Variants in SP100 observed in about 807,000 individuals in gnomAD.
The protein encoded by SP100 is nuclear autoantigen Sp-100.
Under a neutral mutation model 130.0 loss-of-function variants are expected in SP100, and 84 were observed. That is an observed-to-expected ratio of 0.65 (90% CI 0.54 to 0.77). The LOEUF (loss-of-function observed/expected upper bound fraction) is 0.77. SP100 is among the 30% of genes least tolerant of loss of function. The pLI is 0.00. For missense variants in SP100, 978 were observed against 1,052.2 expected (o/e 0.93, Z 0.97); for synonymous variants, 331 against 351.7 (o/e 0.94, Z 0.66).
chr2:230,461,617 T>C (rs1465355481), intron 9 of SP100, among the ~76,000 whole-genome samples: 2 of 151,642 alleles, frequency 1.3e-5, no homozygotes, highest in South Asian at 2.1e-4. Flanking sequence ...AAGACAGAAA[T>C]GGAGGTAATC....
intron 18 of SP100, 108 bp downstream of exon 18, chr2:230,494,568 C>A: frequency 2.6e-6 from 2 of 773,718 alleles, no homozygotes; most frequent in Non-Finnish European, 4.5e-6. Flanking sequence ...GCCACGGTAG[C>A]TTCAGACCTC....
chr2:230,416,382 T>C, intron 1 of SP100, 54 bp downstream of exon 1: 1 of 1,505,142 alleles, frequency 6.6e-7, no homozygotes, highest in Admixed American at 1.7e-5. Flanking sequence ...ATTGCAGCTT[T>C]CATGCCTTTA....
chr2:230,506,383 G>C lies in SP100; in HGVS notation c.1951G>C (p.Ala651Pro), dbSNP rs780212776. The C allele has an allele frequency of 2.5e-6, 4 of 1,613,928 alleles. No homozygotes were observed. Among genetic ancestry groups the C allele is most frequent in the South Asian group, 2.2e-5 (2 of 91,070 alleles). ...REFEIEGDRG[A>P]SKNWKLSIRC... is the part of the protein sequence containing the mutation. The stretch of plus-strand genomic sequence containing the variant: ...ATTTGAAATTGAAGGAGACCGCGGA[G>C]CATCCAAGAACTGGAAGCTAAGTAT... The change falls in exon 22 of 29, where the codon GCA becomes CCA. Residue 651 changes from alanine to proline, a missense_variant. By Grantham distance (27) the Ala-to-Pro change is conservative. Transcript: ENST00000340126.
At chr2:230,481,844 T>C (rs1054427976) in intron 17 of SP100, among the ~76,000 whole-genome samples, 40 of 152,340 alleles carry the variant, frequency 2.6e-4, no homozygotes, top group African/African-American at 9.1e-4. Context: ...CTCAGAACCC[T>C]TGCACTTCGT....
chr2:230,516,648 C>T (rs1690929826), intron 24 of SP100: 1 of 152,134 alleles, frequency 6.6e-6, no homozygotes, highest in East Asian at 1.9e-4. Context: ...CCAAAGTTAT[C>T]AGAAACCTAT....
In SP100 at chr2:230,545,553, A is replaced by G. The variant is rs919423978; in HGVS notation, c.*2607A>G. Among the ~76,000 whole-genome samples, 1 of 152,126 alleles carries G rather than the reference A, an allele frequency of 6.6e-6. No homozygotes were observed. Among genetic ancestry groups the G allele is most frequent in the Non-Finnish European group, 1.5e-5 (1 of 68,024 alleles). On this transcript the variant is annotated 3_prime_UTR_variant, in exon 29 of 29. Transcript: ENST00000340126. ...CCTTCACATATACCCCTGAACCTAA[A>G]AGTTTTTTTAATTGTAAATAAATGG...
chr2:230,518,030 CTGTT>C (rs1183835070), intron 24 of SP100, among the ~76,000 whole-genome samples: 2 of 152,034 alleles, frequency 1.3e-5, no homozygotes, highest in Admixed American at 6.6e-5. Context: ...ATGACTTAGA[CTGTT>C]TGCGAAACGC....
intron 5 of SP100, among the ~76,000 whole-genome samples, chr2:230,448,156 G>A (rs745691371): frequency 3.0e-4 from 46 of 152,276 alleles, no homozygotes; most frequent in South Asian, 4.1e-4. Flanking sequence ...TTAAATGTGA[G>A]GATGTTGTTC....
At chr2:230,416,653 T>C in intron 1 of SP100, 1 of 782,232 alleles carries the variant, frequency 1.3e-6, no homozygotes, top group Non-Finnish European at 1.6e-6. Flanking sequence ...CTGTGAACCC[T>C]TTCACCCCTC....
rs781295761 is a variant in SP100 at position 230,416,287 on chromosome 2, G to A, written c.-10G>A. The A allele has an allele frequency of 6.2e-7, 1 of 1,613,184 alleles. No homozygotes were observed. The highest frequency in any genetic ancestry group is 2.2e-5 in the East Asian group (1 of 44,856). ...GGCTCTGAGGCCCACGCAGGGCCTA[G>A]GGTGGGAAGATGGCAGGTGGGGGCG... On this transcript the variant is annotated 5_prime_UTR_variant, in exon 1 of 29. Coordinates refer to ENST00000340126, the MANE Select transcript of SP100 (RefSeq NM_001080391.2).
At chr2:230,487,416 T>C (rs1434817268) in intron 17 of SP100, among the ~76,000 whole-genome samples, 1 of 152,224 alleles carries the variant, frequency 6.6e-6, no homozygotes, top group Non-Finnish European at 1.5e-5. Flanking sequence ...CAACACCATT[T>C]ATCAAATAGG....
Position 230,467,243 on chromosome 2 carries a change from C to G in SP100, c.1291+28C>G, listed in dbSNP as rs769645158. 2.0e-6 allele frequency: 3 copies of G among 1,512,824 alleles called. No individual in the cohort carries two copies. In the African/African-American group the frequency reaches 4.1e-5, roughly 21 times the overall value. 93.7% of individuals were successfully genotyped at this position (1,512,824 alleles called of 1,614,324 possible). ...AAGAACAGCTCCCTTGACTTCAGGG[C>G]TCTGACTTCAGAGCACCTCTTCCCT... On this transcript the variant is annotated intron_variant, in intron 13 of 28. Coordinates refer to ENST00000340126, the MANE Select transcript of SP100 (RefSeq NM_001080391.2).
At chr2:230,483,049 C>A (rs943060190) in intron 17 of SP100, among the ~76,000 whole-genome samples, 3 of 152,050 alleles carry the variant, frequency 2.0e-5, no homozygotes. Context: ...CTTTTTAGAC[C>A]CTTTATTCAT....
In SP100 at chr2:230,495,355, C is replaced by T. The variant is rs151225041; in HGVS notation, c.1645+895C>T. 9.4e-3 allele frequency among the ~76,000 whole-genome samples: 1,434 copies of T among 152,258 alleles called. 21 individuals carry two copies. The highest frequency in any genetic ancestry group is 0.033 in the African/African-American group (1,371 of 41,544). On this transcript the variant is annotated intron_variant, in intron 18 of 28. Coordinates refer to ENST00000340126, the MANE Select transcript of SP100 (RefSeq NM_001080391.2). ...TTTTCTTTTTTGAGATGGAGTCTGG[C>T]TCTGTCACCCAGGCTGGAGTACAGT...
chr2:230,442,053 A>G (rs2063492488), intron 2 of SP100, among the ~76,000 whole-genome samples: 1 of 152,060 alleles, frequency 6.6e-6, no homozygotes, highest in African/African-American at 2.4e-5. Flanking sequence ...TTTTTTACAG[A>G]AATTCAAAAC....
intron 4 of SP100, 82 bp downstream of exon 4, chr2:230,444,428 A>T: frequency 8.8e-7 from 1 of 1,132,842 alleles, no homozygotes; most frequent in Non-Finnish European, 1.3e-6. Flanking sequence ...ACCATGAGTG[A>T]CATGTTGTGT....
chr2:230,540,628 T>C (rs144359705), intron 25 of SP100, among the ~76,000 whole-genome samples: 256 of 152,306 alleles, frequency 1.7e-3, no homozygotes, highest in Non-Finnish European at 3.2e-3. Context: ...AGTTTTGAGG[T>C]GAATGAGATT....
chr2:230,446,861 A>T lies in SP100; in HGVS notation c.482A>T (p.Glu161Val). 1 of 1,612,218 alleles carries T rather than the reference A, an allele frequency of 6.2e-7. No homozygotes were observed. Among genetic ancestry groups the T allele is most frequent in the African/African-American group, 1.3e-5 (1 of 74,994 alleles). The change falls in exon 5 of 29, where the codon GAG (glutamate) becomes GTG (valine). Residue 161 changes from glutamate (E) to valine (V), a missense_variant. Coordinates refer to ENST00000340126, the MANE Select transcript of SP100 (RefSeq NM_001080391.2). ...KLPLQESEEEEREERSGLQLS... is the reference protein window; with the variant it reads ...KLPLQESEEEVREERSGLQLS... ...CCTCTCCAAGAAAGTGAAGAAGAAG[A>T]GAGGGAGGAGAGGTCTGGCCTCCAA...
chr2:230,452,402 C>A (rs1171674307), intron 8 of SP100, among the ~76,000 whole-genome samples: 1 of 152,142 alleles, frequency 6.6e-6, no homozygotes, highest in East Asian at 1.9e-4. Flanking sequence ...GTCTTGAACT[C>A]CTGACCTCAG....
Sources: allele counts gnomAD v4.1 joint callset (sites outside exome capture counted in the v4.1 genomes callset), GRCh38; gene constraint gnomAD v4.1.1; transcripts MANE v1.5; gene names NCBI Gene and HGNC (gene_info 2026-07-23, HGNC 2026-07-21).